CTNNA2: variants seen among roughly 807,000 people sequenced by gnomAD.
CTNNA2 encodes catenin alpha-2.
A neutral mutation model predicts 101.0 loss-of-function variants in CTNNA2; 42 were observed. The observed-to-expected ratio is 0.42, with a 90% CI of 0.32 to 0.54. CTNNA2 has a LOEUF of 0.54. Ranked by LOEUF, CTNNA2 falls within the 20% of genes least tolerant of loss-of-function variation. CTNNA2 has a pLI of 0.14. For synonymous variants in CTNNA2, 450 were observed against 456.4 expected (o/e 0.99, Z 0.18); for missense variants, 871 against 1,223.1 (o/e 0.71, Z 4.29).
intron 2 of CTNNA2, among the ~76,000 whole-genome samples, chr2:79,265,527 G>C (rs1431413425): frequency 2.6e-5 from 4 of 152,128 alleles, no homozygotes; most frequent in Non-Finnish European, 5.9e-5. Flanking sequence ...GACAAGCCTA[G>C]ATCCCAGGAA....
intron 9 of CTNNA2, among the ~76,000 whole-genome samples, chr2:80,507,419 C>T (rs902104713): frequency 2.0e-5 from 3 of 152,096 alleles, no homozygotes; most frequent in Non-Finnish European, 4.4e-5. Flanking sequence ...TTTGAGTTCT[C>T]ATAATGTAAA....
intron 4 of CTNNA2, among the ~76,000 whole-genome samples, chr2:79,447,853 A>G (rs1011726422): frequency 2.8e-4 from 43 of 152,054 alleles, no homozygotes; most frequent in Non-Finnish European, 4.4e-5. Flanking sequence ...CACTTTTACC[A>G]TAAGAGTTTC....
At chr2:79,535,058 T>C (rs1305224378) in intron 1 of CTNNA2, among the ~76,000 whole-genome samples, 1 of 152,094 alleles carries the variant, frequency 6.6e-6, no homozygotes, top group Non-Finnish European at 1.5e-5. Context: ...GAAATTACTT[T>C]AAAAGGCGGT....
intron 7 of CTNNA2, among the ~76,000 whole-genome samples, chr2:79,919,666 A>G (rs1448083362): frequency 6.6e-6 from 1 of 152,212 alleles, no homozygotes; most frequent in African/African-American, 2.4e-5. Context: ...GCACTCCACC[A>G]TCAAAATGAT....
chr2:80,559,878 T>A (rs868677467), intron 12 of CTNNA2, among the ~76,000 whole-genome samples: 40 of 114,024 alleles, frequency 3.5e-4, no homozygotes, highest in Middle Eastern at 5.1e-3. Flanking sequence ...GATATCATAT[T>A]TATATATATA....
intron 11 of CTNNA2, among the ~76,000 whole-genome samples, chr2:80,547,035 G>A (rs955475853): frequency 2.0e-5 from 3 of 152,202 alleles, no homozygotes; most frequent in Admixed American, 1.3e-4. Context: ...CTGTTGGTGG[G>A]AACCAGGCAG....
chr2:80,102,085 C>A (rs1028272690), intron 7 of CTNNA2, among the ~76,000 whole-genome samples: 2 of 152,172 alleles, frequency 1.3e-5, no homozygotes, highest in African/African-American at 4.8e-5. Flanking sequence ...TGTGGCTTTG[C>A]TCCCTCTTGA....
At chr2:80,330,054 C>G (rs1450886250) in intron 7 of CTNNA2, among the ~76,000 whole-genome samples, 2 of 152,232 alleles carry the variant, frequency 1.3e-5, no homozygotes, top group African/African-American at 4.8e-5. Context: ...TGAGTCTGGT[C>G]CCTTCCTACC....
chr2:80,561,428 A>G (rs762229605), intron 12 of CTNNA2, among the ~76,000 whole-genome samples: 3 of 152,228 alleles, frequency 2.0e-5, no homozygotes, highest in Non-Finnish European at 2.9e-5. Context: ...GAAGATCTGT[A>G]TAATTTTTCC....
intron 16 of CTNNA2, among the ~76,000 whole-genome samples, chr2:80,606,414 C>CACCCA (rs1558638318): frequency 0.011 from 547 of 51,564 alleles, 2 homozygotes; most frequent in East Asian, 0.031. Context: ...ACACACACAC[C>CACCCA]CCCCAGGATA....
At chr2:80,437,212 C>G (rs140342851) in intron 9 of CTNNA2, among the ~76,000 whole-genome samples, 17 of 152,230 alleles carry the variant, frequency 1.1e-4, no homozygotes, top group African/African-American at 4.1e-4. Flanking sequence ...ATTACCCAGG[C>G]TAAGATATTT....
chr2:79,287,907 G>A (rs1037854402), intron 2 of CTNNA2, among the ~76,000 whole-genome samples: 1 of 152,236 alleles, frequency 6.6e-6, no homozygotes, highest in African/African-American at 2.4e-5. Context: ...GAGACTCCAC[G>A]GGCGTCGGAC....
chr2:79,829,069 G>T (rs895359646), intron 3 of CTNNA2, among the ~76,000 whole-genome samples: 13 of 152,134 alleles, frequency 8.5e-5, no homozygotes, highest in Admixed American at 8.5e-4. Flanking sequence ...TTTAAGAGGG[G>T]TCAGTGTCTA....
intron 7 of CTNNA2, among the ~76,000 whole-genome samples, chr2:80,017,979 CA>C (rs2104078052): frequency 6.6e-6 from 1 of 151,784 alleles, no homozygotes; most frequent in East Asian, 1.9e-4. Flanking sequence ...ATAATAGATG[CA>C]AAAAGTTTTA....
At chr2:80,598,571 C>T (rs1344445751) in intron 15 of CTNNA2, among the ~76,000 whole-genome samples, 1 of 152,150 alleles carries the variant, frequency 6.6e-6, no homozygotes, top group African/African-American at 2.4e-5. Context: ...CACCCCAAAC[C>T]CTATACCATA....
In CTNNA2 at chr2:80,045,693, G is replaced by A. The variant is rs777062746; in HGVS notation, c.1056+135896G>A. Among the ~76,000 whole-genome samples the A allele has an allele frequency of 1.8e-4, 28 of 151,876 alleles. 1 individual carries two copies. The highest frequency in any genetic ancestry group is 1.4e-3 in the Admixed American group (22 of 15,236). ...TTTTTTCTGAATTTGTCCAGAATAG[G>A]GTCATGCTTTATAATAGCAGCATAA... On this transcript the variant is annotated intron_variant, in intron 7 of 18. Transcript: ENST00000402739.
chr2:80,028,811 A>C (rs1161337833), intron 7 of CTNNA2, among the ~76,000 whole-genome samples: 1 of 152,248 alleles, frequency 6.6e-6, no homozygotes, highest in Non-Finnish European at 1.5e-5. Context: ...CAGGGAATGC[A>C]GATGGCCTCT....
At chr2:80,593,807 G>A (rs535041353) in intron 15 of CTNNA2, among the ~76,000 whole-genome samples, 32 of 152,022 alleles carry the variant, frequency 2.1e-4, no homozygotes, top group Admixed American at 7.2e-4. Context: ...ACTCAAATGC[G>A]TTTCCTTTTA....
intron 1 of CTNNA2, among the ~76,000 whole-genome samples, chr2:79,610,930 C>T (rs567966988): frequency 6.6e-6 from 1 of 152,214 alleles, no homozygotes; most frequent in Non-Finnish European, 1.5e-5. Context: ...ACCAGTAACA[C>T]TAGCACACAA....
Sources: allele counts gnomAD v4.1 joint callset (sites outside exome capture counted in the v4.1 genomes callset), GRCh38; gene constraint gnomAD v4.1.1; transcripts MANE v1.5; gene names NCBI Gene and HGNC (gene_info 2026-07-23, HGNC 2026-07-21).